The following CYFIP2 variants were observed in gnomAD, a reference collection of about 807,000 sequenced individuals.
CYFIP2 encodes cytoplasmic FMR1 interacting protein 2, also known as cytoplasmic FMR1-interacting protein 2.
A neutral mutation model predicts 158.7 loss-of-function variants in CYFIP2; 29 were observed. That is an observed-to-expected ratio of 0.18 (90% confidence interval 0.14 to 0.25). CYFIP2 has a LOEUF of 0.25. Among genes scored for constraint, CYFIP2 ranks in the 10% least tolerant of loss-of-function variants. The probability of loss-of-function intolerance (pLI) is 1.00; values close to 1 mark genes in which losing one functional copy is unlikely to be tolerated. For synonymous variants in CYFIP2, 585 were observed against 617.6 expected, an observed-to-expected ratio of 0.95 and a Z score of 0.78; for missense variants, 852 against 1,639.5, an observed-to-expected ratio of 0.52 and a Z score of 8.29.
chr5:157,274,701 C>T (rs1171407373), intron 1 of CYFIP2, among the ~76,000 whole-genome samples: 1 of 152,176 alleles, frequency 6.6e-6, no homozygotes, highest in African/African-American at 2.4e-5. Context: ...CAACGGTATT[C>T]TCAGTTTCTC....
chr5:157,272,982 T>G (rs1756233001), intron 1 of CYFIP2, among the ~76,000 whole-genome samples: 1 of 152,202 alleles, frequency 6.6e-6, no homozygotes, highest in African/African-American at 2.4e-5. Flanking sequence ...TTCTCCTGCC[T>G]CAGCCTCCCG....
Position 157,395,515 on chromosome 5 carries a change from A to AT in CYFIP2, c.*2518dup, listed in dbSNP as rs1767668078. 1.4e-6 allele frequency: 1 copy of AT among 707,146 alleles called. No individual in the cohort carries two copies. The highest frequency in any genetic ancestry group is 1.9e-5 in the African/African-American group (1 of 53,970). 43.8% of individuals were successfully genotyped at this position (707,146 alleles called of 1,614,324 possible). A position where few individuals can be genotyped will look rare whatever the true frequency, so the allele number is the denominator to read the frequency against. On this transcript the variant is annotated 3_prime_UTR_variant, in exon 31 of 31. Transcript: ENST00000620254. ...CTATGCAGCTGAAGATGATATTTTG[A>AT]TTTGTATTTTGGGGGTACCTGTGTT...
chr5:157,325,041 T>C (rs1254632767), intron 16 of CYFIP2: 1 of 152,238 alleles, frequency 6.6e-6, no homozygotes, highest in African/African-American at 2.4e-5. Flanking sequence ...GGTTTCGCCA[T>C]GTTGGCCAGG....
At chr5:157,307,655 G>GTGTGTGTGTGTGTGTGTA (rs775613889) in intron 8 of CYFIP2, 106 bp from the exon 9 acceptor site, 1 of 614,158 alleles carries the variant, frequency 1.6e-6, no homozygotes. Flanking sequence ...GTGTGTGTGT[G>GTGTGTGTGTGTGTGTGTA]TATGTGTGTG....
Position 157,311,394 on chromosome 5 carries a change from G to T in CYFIP2, c.993-270G>T. 1 of 494,506 alleles carries T rather than the reference G, an allele frequency of 2.0e-6. No homozygotes were observed. Among genetic ancestry groups the T allele is most frequent in the South Asian group, 2.1e-5 (1 of 46,782 alleles). 30.6% of individuals were successfully genotyped at this position (494,506 alleles called of 1,614,324 possible). Reference sequence around the variant, plus strand: ...TGTTCCCGCCCCTCTCATATTACTGGTAAGTATTATGGACCAGGTATCTGG... The same window carrying T: ...TGTTCCCGCCCCTCTCATATTACTGTTAAGTATTATGGACCAGGTATCTGG... On this transcript the variant is annotated intron_variant, in intron 10 of 30. Coordinates refer to ENST00000620254, the MANE Select transcript of CYFIP2 (RefSeq NM_001037333.3). The surrounding 1 kb of genome is among the most constrained non-coding windows in gnomAD (Gnocchi z 4.7).
At chr5:157,276,744 C>T (rs1756577158) in intron 1 of CYFIP2, among the ~76,000 whole-genome samples, 1 of 152,192 alleles carries the variant, frequency 6.6e-6, no homozygotes. Context: ...CAGTTCACCT[C>T]CACACTAAAA....
intron 15 of CYFIP2, among the ~76,000 whole-genome samples, chr5:157,321,306 A>G (rs1489319150): frequency 6.6e-6 from 1 of 152,206 alleles, no homozygotes; most frequent in Non-Finnish European, 1.5e-5. Context: ...TCTCTGTAAA[A>G]TGAAAACTTT....
chr5:157,338,641 C>T (rs1301676946), intron 21 of CYFIP2, among the ~76,000 whole-genome samples: 1 of 152,230 alleles, frequency 6.6e-6, no homozygotes, highest in Non-Finnish European at 1.5e-5. Context: ...CCCTAAAAAA[C>T]AAGTAACGTC....
In CYFIP2 at chr5:157,370,061, A is replaced by G. The variant is rs777737531; in HGVS notation, c.3039+8463A>G. 4.9e-4 allele frequency among the ~76,000 whole-genome samples: 74 copies of G among 152,010 alleles called. 1 individual carries two copies. The highest frequency in any genetic ancestry group is 1.0e-3 in the Non-Finnish European group (70 of 67,998). On this transcript the variant is annotated intron_variant, in intron 26 of 30. Transcript: ENST00000620254. ...ATGCCTGGATAATTTTTGTATTTTT[A>G]GTAGAGACCAGGTTTCACCCTGTTG...
At chr5:157,317,127 C>T (rs1050477227) in intron 13 of CYFIP2, among the ~76,000 whole-genome samples, 2 of 152,064 alleles carry the variant, frequency 1.3e-5, no homozygotes, top group Non-Finnish European at 2.9e-5. Flanking sequence ...TCAGAAGATG[C>T]TCCCGCAACC....
At chr5:157,384,562 C>A in intron 28 of CYFIP2, 1 of 450,202 alleles carries the variant, frequency 2.2e-6, no homozygotes. Flanking sequence ...TGCAAAGCCT[C>A]ATCTGCACAG....
At chr5:157,360,231 C>A in intron 24 of CYFIP2, 51 bp from the exon 25 acceptor site, 2 of 1,501,744 alleles carry the variant, frequency 1.3e-6, no homozygotes, top group Non-Finnish European at 1.8e-6. Flanking sequence ...AACCTCCATA[C>A]CCCGCATAGC....
chr5:157,268,050 A>C (rs959700712), intron 1 of CYFIP2, among the ~76,000 whole-genome samples: 1 of 152,274 alleles, frequency 6.6e-6, no homozygotes, highest in Non-Finnish European at 1.5e-5. Flanking sequence ...TTGTGTACAC[A>C]GGGTTCCTCG....
chr5:157,276,065 T>G (rs2113818217), intron 1 of CYFIP2, among the ~76,000 whole-genome samples: 1 of 152,378 alleles, frequency 6.6e-6, no homozygotes, highest in African/African-American at 2.4e-5. Context: ...TCTTGGATTT[T>G]CTATAACAAG....
At chr5:157,302,317 C>T (rs1372894169) in intron 6 of CYFIP2, among the ~76,000 whole-genome samples, 1 of 152,196 alleles carries the variant, frequency 6.6e-6, no homozygotes. Context: ...GGTTCCATAG[C>T]CTTCTGTTTT....
At chr5:157,369,585 T>C (rs1764773739) in intron 26 of CYFIP2, among the ~76,000 whole-genome samples, 1 of 152,170 alleles carries the variant, frequency 6.6e-6, no homozygotes, top group Admixed American at 6.5e-5. Flanking sequence ...GCCAGCTCAA[T>C]TTTTGCTTAT....
In CYFIP2 at chr5:157,361,328, G is replaced by T; in HGVS notation, c.2909-140G>T. Reference sequence around the variant, plus strand: ...GAGCCCTGAAAGAAATCTCACTCTGGGCCTGCAGGTAAGAGGGATGCGTGG... The same window carrying T: ...GAGCCCTGAAAGAAATCTCACTCTGTGCCTGCAGGTAAGAGGGATGCGTGG... On this transcript the variant is annotated intron_variant, in intron 25 of 30. Transcript: ENST00000620254. The surrounding 1 kb of genome is among the most constrained non-coding windows in gnomAD (Gnocchi z 4.4). 1 of 1,009,754 alleles carries T rather than the reference G, an allele frequency of 9.9e-7. No individual in the cohort carries two copies. Among genetic ancestry groups the T allele is most frequent in the South Asian group, 1.6e-5 (1 of 63,120 alleles). 62.5% of individuals were successfully genotyped at this position (1,009,754 alleles called of 1,614,324 possible).
intron 21 of CYFIP2, among the ~76,000 whole-genome samples, chr5:157,336,623 T>G (rs1761875212): frequency 1.3e-5 from 2 of 152,206 alleles, no homozygotes; most frequent in South Asian, 2.1e-4. Flanking sequence ...TGGTTAACAA[T>G]CAGGTCTTCT....
At chr5:157,365,674 C>G (rs1764297796) in intron 26 of CYFIP2, among the ~76,000 whole-genome samples, 1 of 151,700 alleles carries the variant, frequency 6.6e-6, no homozygotes, top group Non-Finnish European at 1.5e-5. Flanking sequence ...TTCATGCCCT[C>G]TTCAGTGTTC....
Sources: gnomAD v4.1 joint callset for allele counts (sites outside exome capture counted in the v4.1 genomes callset) on GRCh38, gnomAD v4.1.1 for gene constraint, Gnocchi (gnomAD v3.1) non-coding constraint, MANE v1.5 for transcripts, NCBI Gene and HGNC (gene_info 2026-07-23, HGNC 2026-07-21) for gene names.